The following KCNG3 variants were observed in gnomAD, a reference collection of about 807,000 sequenced individuals.
The protein encoded by KCNG3 is voltage-gated potassium channel regulatory subunit KCNG3.
Under a neutral mutation model 29.0 loss-of-function variants are expected in KCNG3, and 15 were observed. The ratio of observed to expected loss-of-function variants is 0.52; its 90% confidence interval spans 0.35 to 0.80. KCNG3 has a LOEUF of 0.80. KCNG3 is among the 30% of genes least tolerant of loss of function. The probability of loss-of-function intolerance (pLI) is 0.01; values close to 1 mark genes in which losing one functional copy is unlikely to be tolerated. For synonymous variants in KCNG3, 322 were observed against 248.9 expected, an observed-to-expected ratio of 1.29 and a Z score of -2.76; for missense variants, 512 against 605.7, an observed-to-expected ratio of 0.85 and a Z score of 1.62.
chr2:42,402,724 C>T, the KCNG3 span, among the ~76,000 whole-genome samples: 1 of 152,142 alleles, frequency 6.6e-6, no homozygotes, highest in Non-Finnish European at 1.5e-5. Flanking sequence ...TATTTGGGCT[C>T]TGTTTTGGGG....
At chr2:42,432,624 G>C in the KCNG3 span, among the ~76,000 whole-genome samples, 1 of 152,156 alleles carries the variant, frequency 6.6e-6, no homozygotes, top group Non-Finnish European at 1.5e-5. Flanking sequence ...CCAACCAACA[G>C]AAGCAAGTAA....
At chr2:42,492,326 TTATAA>T (rs1303035526) in intron 1 of KCNG3, among the ~76,000 whole-genome samples, 17 of 152,164 alleles carry the variant, frequency 1.1e-4, no homozygotes, top group African/African-American at 3.9e-4. Context: ...TTAACCTGCT[TTATAA>T]TATAACGATT....
the KCNG3 span, among the ~76,000 whole-genome samples, chr2:42,424,071 T>C: frequency 6.6e-6 from 1 of 152,106 alleles, no homozygotes; most frequent in East Asian, 1.9e-4. Context: ...GCTTTGCAAA[T>C]CCAGGATTCT....
chr2:42,400,364 T>C, the KCNG3 span, among the ~76,000 whole-genome samples: 4 of 152,196 alleles, frequency 2.6e-5, no homozygotes, highest in Non-Finnish European at 5.9e-5. Context: ...AAACATGCTT[T>C]AAACTCTACC....
At chr2:42,410,015 CTA>C in the KCNG3 span, among the ~76,000 whole-genome samples, 1 of 152,120 alleles carries the variant, frequency 6.6e-6, no homozygotes, top group African/African-American at 2.4e-5. Context: ...AAATATGAAT[CTA>C]TGTTTATTTT....
chr2:42,418,145 A>C, the KCNG3 span, among the ~76,000 whole-genome samples: 4 of 152,082 alleles, frequency 2.6e-5, no homozygotes, highest in Non-Finnish European at 5.9e-5. Flanking sequence ...TAATTATTCC[A>C]AACAGAAACT....
chr2:42,454,930 A>G (rs541645344), intron 1 of KCNG3, among the ~76,000 whole-genome samples: 1 of 152,316 alleles, frequency 6.6e-6, no homozygotes, highest in South Asian at 2.1e-4. Flanking sequence ...AGGGCTTCAG[A>G]TTGGCAAGAT....
At position 42,493,036 on chromosome 2, in the gene KCNG3, G is replaced by C; in HGVS notation, c.466C>G (p.Arg156Gly). Reference protein sequence around the residue: ...EAAPSRRWLERMRRTFEEPTS... With the variant: ...EAAPSRRWLEGMRRTFEEPTS... ...GGCTCCTCGAAGGTCCGCCGCATGCGCTCCAGCCAGCGCCTGGAGGGAGCC... is the reference window on the plus strand; with the variant it reads ...GGCTCCTCGAAGGTCCGCCGCATGCCCTCCAGCCAGCGCCTGGAGGGAGCC... Residue 156 changes from arginine (R) to glycine (G), a missense_variant, in exon 1 of 2, where the codon CGC becomes GGC. Arg to Gly is a moderately radical substitution (Grantham distance 125). Coordinates refer to ENST00000306078, the MANE Select transcript of KCNG3 (RefSeq NM_133329.6). The C allele has an allele frequency of 1.3e-6, 2 of 1,518,688 alleles. No homozygotes were observed. The allele number at this position is 1,518,688 out of a possible 1,614,324, so 94.1% of individuals were successfully genotyped here.
chr2:42,471,134 AGAGT>A (rs1267815936), intron 1 of KCNG3, among the ~76,000 whole-genome samples: 1 of 150,674 alleles, frequency 6.6e-6, no homozygotes, highest in Non-Finnish European at 1.5e-5. Context: ...CCTGGGCAAC[AGAGT>A]GAGACTGTCT....
At chr2:42,430,717 G>C in the KCNG3 span, among the ~76,000 whole-genome samples, 1 of 152,130 alleles carries the variant, frequency 6.6e-6, no homozygotes, top group Non-Finnish European at 1.5e-5. Flanking sequence ...TCATGCTGCT[G>C]CACTCTAGCC....
At chr2:42,438,664 T>C (rs913962284), downstream of KCNG3, among the ~76,000 whole-genome samples, 1 of 152,228 alleles carries the variant, frequency 6.6e-6, no homozygotes, top group Non-Finnish European at 1.5e-5. Context: ...ATTGAGCTTA[T>C]GCTAACAGTC....
chr2:42,454,050 A>G (rs1216964268), intron 1 of KCNG3, among the ~76,000 whole-genome samples: 1 of 151,472 alleles, frequency 6.6e-6, no homozygotes. Context: ...ATTAATCATC[A>G]GAAAAATGCA....
At chr2:42,480,214 C>T (rs17029748) in intron 1 of KCNG3, among the ~76,000 whole-genome samples, 16,159 of 152,080 alleles carry the variant, frequency 0.11, 1,033 homozygotes, top group South Asian at 0.17. Flanking sequence ...GATCCAAGGG[C>T]GCTTAGCATG....
intron 1 of KCNG3, among the ~76,000 whole-genome samples, chr2:42,446,754 C>G (rs1244423827): frequency 1.3e-5 from 2 of 152,060 alleles, no homozygotes; most frequent in Non-Finnish European, 2.9e-5. Flanking sequence ...CTTTACAGGG[C>G]TGTAAAGATT....
chr2:42,396,015 C>CT, the KCNG3 span, among the ~76,000 whole-genome samples: 14 of 152,190 alleles, frequency 9.2e-5, no homozygotes, highest in Non-Finnish European at 1.5e-4. Context: ...TTAGCTTAGC[C>CT]TACTTTAAAC....
intron 1 of KCNG3, among the ~76,000 whole-genome samples, chr2:42,470,658 T>G (rs1673263296): frequency 2.0e-5 from 3 of 152,238 alleles, no homozygotes; most frequent in Admixed American, 1.3e-4. Context: ...GCAGATAGCT[T>G]GAGCCCAGGA....
chr2:42,449,774 T>C (rs967605583), intron 1 of KCNG3, among the ~76,000 whole-genome samples: 5 of 152,142 alleles, frequency 3.3e-5, no homozygotes, highest in African/African-American at 1.2e-4. Context: ...TTGGTTGCTA[T>C]CTTAGGTAGT....
chr2:42,425,474 C>A, the KCNG3 span, among the ~76,000 whole-genome samples: 2 of 149,724 alleles, frequency 1.3e-5, no homozygotes, highest in East Asian at 2.0e-4. Context: ...AGAGTGTGGG[C>A]AGAAGAGAAA....
intron 1 of KCNG3, among the ~76,000 whole-genome samples, chr2:42,473,810 A>T (rs1434055695): frequency 6.6e-6 from 1 of 152,176 alleles, no homozygotes; most frequent in Non-Finnish European, 1.5e-5. Flanking sequence ...GAAAAAAAAA[A>T]TCTTCAAAGC....
Sources: allele counts gnomAD v4.1 joint callset (sites outside exome capture counted in the v4.1 genomes callset), GRCh38; gene constraint gnomAD v4.1.1; transcripts MANE v1.5; gene names NCBI Gene and HGNC (gene_info 2026-07-23, HGNC 2026-07-21).